EML6: variants seen among roughly 807,000 people sequenced by gnomAD.
The protein encoded by EML6 is EMAP like 6, also known as echinoderm microtubule-associated protein-like 6.
In EML6, 154 loss-of-function variants were observed where a neutral mutation model predicts 240.1. That is an observed-to-expected ratio of 0.64 (90% CI 0.56 to 0.73). The LOEUF is 0.73. EML6 is among the 30% of genes least tolerant of loss of function. The probability of loss-of-function intolerance (pLI) is 0.00; values close to 1 mark genes in which losing one functional copy is unlikely to be tolerated. For synonymous variants in EML6, 1,148 were observed against 899.0 expected (o/e 1.28, Z -4.95); for missense variants, 2,964 against 2,474.6 (o/e 1.20, Z -4.20).
intron 21 of EML6, among the ~76,000 whole-genome samples, chr2:54,895,842 T>A (rs1400610878): frequency 6.6e-6 from 1 of 152,230 alleles, no homozygotes; most frequent in Non-Finnish European, 1.5e-5. Context: ...CCACAGTTCC[T>A]TGCCACATAG....
chr2:54,947,884 T>C (rs1217530671), intron 28 of EML6, among the ~76,000 whole-genome samples: 3 of 152,194 alleles, frequency 2.0e-5, no homozygotes, highest in Non-Finnish European at 2.9e-5. Flanking sequence ...TGGGGAAGCA[T>C]GGTGTGTGCC....
In EML6 at chr2:54,963,156, C is replaced by G. The variant is rs1171514803; in HGVS notation, c.5157+445C>G. On this transcript the variant is annotated intron_variant, in intron 36 of 41. Coordinates refer to ENST00000356458, the MANE Select transcript of EML6 (RefSeq NM_001039753.4). ...GGTGGGTGGGAGGGAACAAAGAGTTCTTGCCGATCCTCATGGCCTTATCCA... is the reference window on the plus strand; with the variant it reads ...GGTGGGTGGGAGGGAACAAAGAGTTGTTGCCGATCCTCATGGCCTTATCCA... Among the ~76,000 whole-genome samples the G allele has an allele frequency of 5.3e-5, 8 of 152,214 alleles. No homozygotes were observed. In the South Asian group the frequency reaches 1.7e-3, roughly 32 times the overall value.
intron 2 of EML6, among the ~76,000 whole-genome samples, chr2:54,792,270 C>T (rs1669494704): frequency 6.6e-6 from 1 of 152,134 alleles, no homozygotes; most frequent in South Asian, 2.1e-4. Flanking sequence ...TTAATTGTAG[C>T]CTAATTTATT....
At chr2:54,902,252 C>G (rs1573107370) in intron 22 of EML6, among the ~76,000 whole-genome samples, 1 of 152,184 alleles carries the variant, frequency 6.6e-6, no homozygotes, top group African/African-American at 2.4e-5. Flanking sequence ...GTCCTATTAA[C>G]CCTATACTCC....
At chr2:54,889,844 C>A (rs1398470161) in intron 17 of EML6, among the ~76,000 whole-genome samples, 3 of 152,166 alleles carry the variant, frequency 2.0e-5, no homozygotes, top group Non-Finnish European at 2.9e-5. Flanking sequence ...ATTGGGAATG[C>A]CATTAAGTAA....
At chr2:54,786,045 G>GAGT (rs1669067876) in intron 2 of EML6, among the ~76,000 whole-genome samples, 1 of 151,966 alleles carries the variant, frequency 6.6e-6, no homozygotes, top group Non-Finnish European at 1.5e-5. Context: ...GCTAGAGGTG[G>GAGT]AGCGGCCACC....
chr2:54,838,792 A>C (rs1180646542), intron 7 of EML6, among the ~76,000 whole-genome samples: 1 of 152,150 alleles, frequency 6.6e-6, no homozygotes, highest in Non-Finnish European at 1.5e-5. Flanking sequence ...TTCTCATCAC[A>C]AGTGGCACAG....
chr2:54,733,470 A>G (rs1329706519), intron 2 of EML6, among the ~76,000 whole-genome samples: 1 of 152,188 alleles, frequency 6.6e-6, no homozygotes, highest in African/African-American at 2.4e-5. Flanking sequence ...GAACTCAATT[A>G]CAGGGAGTGT....
At chr2:54,931,274 GACC>G (rs1674850263) in intron 28 of EML6, among the ~76,000 whole-genome samples, 1 of 152,064 alleles carries the variant, frequency 6.6e-6, no homozygotes. Context: ...GCATCTTCTG[GACC>G]ACAAAATAGA....
rs749712441 is a variant in EML6, at chr2:54,962,681, C to T, written c.5127C>T (p.Gly1709=). 5.9e-6 allele frequency: 9 copies of T among 1,522,836 alleles called. No homozygotes were observed. Among genetic ancestry groups the T allele is most frequent in the Non-Finnish European group, 7.9e-6 (9 of 1,132,700 alleles). The allele number at this position is 1,522,836 out of a possible 1,614,324, so 94.3% of individuals were successfully genotyped here. A position where few individuals can be genotyped will look rare whatever the true frequency, so the allele number is the denominator to read the frequency against. The change falls in exon 36 of 42, where the codon GGC becomes GGT. Residue 1709 remains glycine, a synonymous_variant. Coordinates refer to ENST00000356458, the MANE Select transcript of EML6 (RefSeq NM_001039753.4). ...KDLFISASND[G]TARIWDLADK... Reference sequence around the variant, plus strand: ...TCTTCATCTCTGCCAGCAACGATGGCACAGCCCGGATCTGGGACCTGGCTG... The same window carrying T: ...TCTTCATCTCTGCCAGCAACGATGGTACAGCCCGGATCTGGGACCTGGCTG...
intron 2 of EML6, among the ~76,000 whole-genome samples, chr2:54,811,836 C>T (rs1162651876): frequency 6.6e-6 from 1 of 152,174 alleles, no homozygotes; most frequent in Non-Finnish European, 1.5e-5. Context: ...GATAATCTCT[C>T]ACCAACTGAA....
chr2:54,796,696 G>C (rs77906075), intron 2 of EML6, among the ~76,000 whole-genome samples: 13 of 152,176 alleles, frequency 8.5e-5, no homozygotes, highest in Non-Finnish European at 1.6e-4. Context: ...AGCATACTAG[G>C]CATCCAGAAA....
At chr2:54,778,602 T>C (rs1363606141) in intron 2 of EML6, among the ~76,000 whole-genome samples, 1 of 151,994 alleles carries the variant, frequency 6.6e-6, no homozygotes, top group Non-Finnish European at 1.5e-5. Flanking sequence ...AGAAGTGCAT[T>C]GTTAGGCCGG....
chr2:54,817,617 A>C (rs1668136939), intron 4 of EML6, among the ~76,000 whole-genome samples: 1 of 152,218 alleles, frequency 6.6e-6, no homozygotes, highest in African/African-American at 2.4e-5. Flanking sequence ...TGGGCCACAC[A>C]TAAACACCAA....
intron 5 of EML6, among the ~76,000 whole-genome samples, chr2:54,825,220 A>G (rs1471964137): frequency 2.0e-5 from 3 of 152,216 alleles, no homozygotes. Flanking sequence ...AGGTGTAAAG[A>G]GAAAGGGAAC....
chr2:54,738,844 T>C (rs191897260), intron 2 of EML6, among the ~76,000 whole-genome samples: 2 of 152,356 alleles, frequency 1.3e-5, no homozygotes, highest in South Asian at 2.1e-4. Context: ...CGTACAAGCA[T>C]TCTAGCACAA....
intron 2 of EML6, among the ~76,000 whole-genome samples, chr2:54,766,586 G>A (rs944027443): frequency 5.3e-5 from 8 of 151,940 alleles, no homozygotes; most frequent in Admixed American, 3.9e-4. Flanking sequence ...CTTGGTTTAG[G>A]GGATCTGCCA....
Position 54,891,759 on chromosome 2 carries a change from C to T in EML6, c.2539+605C>T, listed in dbSNP as rs142727799. Among the ~76,000 whole-genome samples, 22 of 152,240 alleles carry T rather than the reference C, an allele frequency of 1.4e-4. No homozygotes were observed. The East Asian group carries it at 3.9e-3, about 27-fold the overall frequency. ...ACAAAATGTGAATAAGGTTCTGTTC[C>T]AGTGCATTTTGCTTTTAAAAGAAGG... On this transcript the variant is annotated intron_variant, in intron 18 of 41. Coordinates refer to ENST00000356458, the MANE Select transcript of EML6 (RefSeq NM_001039753.4).
chr2:54,724,966 C>T lies in EML6; in HGVS notation c.-96C>T, dbSNP rs954658025. 109 of 1,048,644 alleles carry T rather than the reference C, an allele frequency of 1.0e-4. 1 individual carries two copies. In the African/African-American group the frequency reaches 1.6e-3, roughly 16 times the overall value. 65.0% of individuals were successfully genotyped at this position (1,048,644 alleles called of 1,614,324 possible). A position where few individuals can be genotyped will look rare whatever the true frequency, so the allele number is the denominator to read the frequency against. Reference sequence around the variant, plus strand: ...CGCCGCGGAAATCAGCGCCCTGCGCCGCGCGCTGAGCCCCTGCAGGTCCGC... The same window carrying T: ...CGCCGCGGAAATCAGCGCCCTGCGCTGCGCGCTGAGCCCCTGCAGGTCCGC... On this transcript the variant is annotated 5_prime_UTR_variant, in exon 2 of 42. Transcript: ENST00000356458. The surrounding 1 kb of genome is among the most constrained non-coding windows in gnomAD (Gnocchi z 5.2).
Sources: allele counts gnomAD v4.1 joint callset (sites outside exome capture counted in the v4.1 genomes callset), GRCh38; gene constraint gnomAD v4.1.1; non-coding constraint Gnocchi (gnomAD v3.1); transcripts MANE v1.5; gene names NCBI Gene and HGNC (gene_info 2026-07-23, HGNC 2026-07-21).